Variants in ARMC9 observed in about 807,000 individuals in gnomAD.
The protein encoded by ARMC9 is lisH domain-containing protein ARMC9.
A neutral mutation model predicts 107.0 loss-of-function variants in ARMC9; 94 were observed. The observed-to-expected ratio is 0.88, with a 90% CI of 0.74 to 1.04. The LOEUF (loss-of-function observed/expected upper bound fraction) is 1.04. Ranked by LOEUF, ARMC9 falls within the 50% of genes least tolerant of loss-of-function variation. The pLI is 0.00. For missense variants in ARMC9, 942 were observed against 1,030.1 expected (o/e 0.91, Z 1.17); for synonymous variants, 380 against 396.9 (o/e 0.96, Z 0.51).
chr2:231,337,474 T>G (rs936288123), intron 20 of ARMC9, among the ~76,000 whole-genome samples: 17 of 129,720 alleles, frequency 1.3e-4, no homozygotes, highest in South Asian at 2.4e-4. Context: ...TTTTTGTTTT[T>G]TTTTTTTTTT....
At chr2:231,323,048 G>T (rs2043085833) in intron 19 of ARMC9, among the ~76,000 whole-genome samples, 1 of 152,190 alleles carries the variant, frequency 6.6e-6, no homozygotes, top group Non-Finnish European at 1.5e-5. Context: ...CCCGAGCAGG[G>T]CACGGTGGCT....
At chr2:231,256,492 ATC>A in intron 9 of ARMC9, 92 bp from the exon 10 acceptor site, 1 of 1,493,818 alleles carries the variant, frequency 6.7e-7, no homozygotes, top group Non-Finnish European at 9.3e-7. Context: ...TAACTTGCAC[ATC>A]TGTTGATTCC....
intron 1 of ARMC9, among the ~76,000 whole-genome samples, chr2:231,200,432 T>A (rs940794424): frequency 2.6e-5 from 4 of 152,282 alleles, no homozygotes; most frequent in South Asian, 4.1e-4. Flanking sequence ...CTGTAATCCC[T>A]GCACTTTGGG....
intron 19 of ARMC9, among the ~76,000 whole-genome samples, chr2:231,314,131 G>C (rs1300065779): frequency 1.3e-5 from 2 of 150,314 alleles, no homozygotes; most frequent in Non-Finnish European, 3.0e-5. Flanking sequence ...CCAGGCTGGA[G>C]TGTGATGGCG....
intron 17 of ARMC9, among the ~76,000 whole-genome samples, chr2:231,283,108 TCA>T (rs1392289183): frequency 1.3e-5 from 2 of 150,562 alleles, no homozygotes; most frequent in African/African-American, 4.9e-5. Flanking sequence ...TGAGGAAGAG[TCA>T]CAGTTGCAGG....
intron 9 of ARMC9, among the ~76,000 whole-genome samples, chr2:231,243,745 C>T (rs186870589): frequency 6.6e-6 from 1 of 152,220 alleles, no homozygotes; most frequent in East Asian, 1.9e-4. Context: ...GGGTCATTGT[C>T]AAAGTATAAG....
At chr2:231,286,277 G>A (rs1190968978) in intron 17 of ARMC9, among the ~76,000 whole-genome samples, 6 of 152,086 alleles carry the variant, frequency 3.9e-5, no homozygotes, top group South Asian at 4.1e-4. Flanking sequence ...CACCATGCCC[G>A]GCTAATGTTT....
chr2:231,233,338 T>G (rs989494172), intron 7 of ARMC9, among the ~76,000 whole-genome samples: 4 of 152,220 alleles, frequency 2.6e-5, no homozygotes, highest in African/African-American at 9.6e-5. Flanking sequence ...GTTGACTATA[T>G]AGACATTCAG....
At chr2:231,345,497 A>G (rs1173879933) in intron 21 of ARMC9, among the ~76,000 whole-genome samples, 1 of 152,180 alleles carries the variant, frequency 6.6e-6, no homozygotes, top group Non-Finnish European at 1.5e-5. Context: ...ATTTTAGATG[A>G]CTTTTTGGAA....
intron 22 of ARMC9, among the ~76,000 whole-genome samples, chr2:231,356,283 AGAAGGCCAGCCGCCTGCTG>A (rs1294946505): frequency 6.6e-6 from 1 of 152,180 alleles, no homozygotes; most frequent in Non-Finnish European, 1.5e-5. Context: ...TCTGGTGCAG[AGAAGGCCAGCCGCCTGCTG>A]GAAGGCTGGA....
intron 14 of ARMC9, 135 bp downstream of exon 14, chr2:231,273,213 A>G: frequency 2.4e-6 from 3 of 1,245,628 alleles, no homozygotes; most frequent in Non-Finnish European, 3.3e-6. Flanking sequence ...AGACAGAGCT[A>G]GAAAGCTTAT....
Position 231,370,155 on chromosome 2 carries a change from G to A in ARMC9, c.2434+30G>A, listed in dbSNP as rs750942316. ...GTCAGCCTGGGCCCCACTGGCGTGG[G>A]AGCCTGGCCACCCGCCAACCTGCAG... On this transcript the variant is annotated intron_variant, in intron 24 of 24. Transcript: ENST00000611582. 10 of 1,480,982 alleles carry A rather than the reference G, an allele frequency of 6.8e-6. No individual in the cohort carries two copies. In the East Asian group the frequency reaches 2.3e-4, roughly 34 times the overall value. The allele number at this position is 1,480,982 out of a possible 1,614,324, so 91.7% of individuals were successfully genotyped here.
chr2:231,320,832 C>T (rs904795629), intron 19 of ARMC9, among the ~76,000 whole-genome samples: 7 of 152,138 alleles, frequency 4.6e-5, no homozygotes, highest in Non-Finnish European at 7.3e-5. Context: ...TGTCCTTATT[C>T]CAAGTCCAAG....
chr2:231,245,345 C>A (rs150126574), intron 9 of ARMC9, among the ~76,000 whole-genome samples: 1 of 152,136 alleles, frequency 6.6e-6, no homozygotes, highest in Non-Finnish European at 1.5e-5. Context: ...GCAAGTCACG[C>A]GGGTGTGTTC....
At chr2:231,359,240 C>G (rs970386454) in intron 22 of ARMC9, among the ~76,000 whole-genome samples, 1 of 152,130 alleles carries the variant, frequency 6.6e-6, no homozygotes, top group Non-Finnish European at 1.5e-5. Flanking sequence ...GCATGTGTTA[C>G]CATACCCGGC....
At chr2:231,284,410 A>G (rs2040436597) in intron 17 of ARMC9, among the ~76,000 whole-genome samples, 1 of 152,250 alleles carries the variant, frequency 6.6e-6, no homozygotes, top group African/African-American at 2.4e-5. Context: ...CAAGAGCAAT[A>G]GCAGCGTAGT....
At chr2:231,270,597 C>A in intron 12 of ARMC9, 1 of 475,552 alleles carries the variant, frequency 2.1e-6, no homozygotes, top group Non-Finnish European at 4.3e-6. Context: ...TGGGAATTAT[C>A]TTTTTTAACA....
chr2:231,286,044 A>G (rs1427747805), intron 17 of ARMC9, among the ~76,000 whole-genome samples: 1 of 152,172 alleles, frequency 6.6e-6, no homozygotes, highest in Non-Finnish European at 1.5e-5. Context: ...CTCCACCTTG[A>G]CATCTGATCG....
At chr2:231,352,166 T>C (rs1036270183) in intron 21 of ARMC9, among the ~76,000 whole-genome samples, 1 of 151,984 alleles carries the variant, frequency 6.6e-6, no homozygotes, top group Non-Finnish European at 1.5e-5. Context: ...AGGGTCTCAC[T>C]ATGTTGCCTA....
Sources: allele counts gnomAD v4.1 joint callset (sites outside exome capture counted in the v4.1 genomes callset), GRCh38; gene constraint gnomAD v4.1.1; transcripts MANE v1.5; gene names NCBI Gene and HGNC (gene_info 2026-07-23, HGNC 2026-07-21).